The following FAM107B variants were observed in gnomAD, a reference collection of about 807,000 sequenced individuals.
FAM107B encodes protein FAM107B.
In FAM107B, 21 loss-of-function variants were observed where a neutral mutation model predicts 31.5. The observed-to-expected ratio is 0.67, with a 90% CI of 0.47 to 0.96. FAM107B has a LOEUF of 0.96. Among genes scored for constraint, FAM107B ranks in the 40% least tolerant of loss-of-function variants. The pLI is 0.00. For missense variants in FAM107B, 452 were observed against 377.1 expected (o/e 1.20, Z -1.64); for synonymous variants, 157 against 141.5 (o/e 1.11, Z -0.78).
intron 1 of FAM107B, among the ~76,000 whole-genome samples, chr10:14,773,214 TA>T (rs1833345930): frequency 1.3e-5 from 2 of 152,234 alleles, no homozygotes; most frequent in Admixed American, 1.3e-4. Context: ...TCATTTCATA[TA>T]AACCTGCAGG....
intron 1 of FAM107B, among the ~76,000 whole-genome samples, chr10:14,727,382 A>C (rs902088830): frequency 6.6e-6 from 1 of 152,250 alleles, no homozygotes; most frequent in Non-Finnish European, 1.5e-5. Flanking sequence ...TGCCTGAGCC[A>C]CGTCTCTTAG....
At chr10:14,606,058 C>T (rs546337812) in intron 2 of FAM107B, among the ~76,000 whole-genome samples, 1 of 152,210 alleles carries the variant, frequency 6.6e-6, no homozygotes, top group African/African-American at 2.4e-5. Context: ...CAGTTTCCTC[C>T]TCTGCTTGAA....
intron 2 of FAM107B, among the ~76,000 whole-genome samples, chr10:14,543,465 G>A (rs1848416065): frequency 6.6e-6 from 1 of 151,986 alleles, no homozygotes; most frequent in Non-Finnish European, 1.5e-5. Context: ...AGGCACGGTG[G>A]TGTAGGACCC....
At chr10:14,691,015 C>T (rs1451669472) in intron 1 of FAM107B, among the ~76,000 whole-genome samples, 1 of 151,994 alleles carries the variant, frequency 6.6e-6, no homozygotes, top group East Asian at 1.9e-4. Flanking sequence ...ACACGGTCTT[C>T]GTGACAACAT....
intron 2 of FAM107B, among the ~76,000 whole-genome samples, chr10:14,593,537 A>G (rs1232000821): frequency 1.3e-5 from 2 of 152,008 alleles, no homozygotes; most frequent in African/African-American, 4.8e-5. Flanking sequence ...TTAACAAATA[A>G]ACAAAAATTA....
intron 2 of FAM107B, among the ~76,000 whole-genome samples, chr10:14,542,129 G>A (rs1157139875): frequency 6.6e-6 from 1 of 151,938 alleles, no homozygotes; most frequent in Non-Finnish European, 1.5e-5. Flanking sequence ...AATGAGCCAG[G>A]CATCGTGGTG....
intron 2 of FAM107B, among the ~76,000 whole-genome samples, chr10:14,575,732 C>G (rs1851444988): frequency 6.6e-6 from 1 of 152,136 alleles, no homozygotes; most frequent in South Asian, 2.1e-4. Context: ...CACATGTGTG[C>G]ACGGGCTCAC....
chr10:14,650,210 G>GT (rs58066871), intron 2 of FAM107B, among the ~76,000 whole-genome samples: 3,879 of 147,892 alleles, frequency 0.026, 46 homozygotes, highest in Non-Finnish European at 0.031. Flanking sequence ...TTCGCATACA[G>GT]TTTTTTTTTT....
At chr10:14,760,657 A>G (rs1466991147) in intron 1 of FAM107B, among the ~76,000 whole-genome samples, 1 of 151,244 alleles carries the variant, frequency 6.6e-6, no homozygotes, top group Non-Finnish European at 1.5e-5. Context: ...TGATATGCAG[A>G]GAACTCAATA....
chr10:14,600,108 C>G (rs1022390646), intron 2 of FAM107B, among the ~76,000 whole-genome samples: 3 of 152,208 alleles, frequency 2.0e-5, no homozygotes, highest in African/African-American at 7.2e-5. Context: ...TCTTTCCCCA[C>G]AAATTCCTCT....
At chr10:14,760,212 A>T (rs886837011) in intron 1 of FAM107B, among the ~76,000 whole-genome samples, 2 of 152,102 alleles carry the variant, frequency 1.3e-5, no homozygotes, top group Non-Finnish European at 2.9e-5. Context: ...TTTCAAGTGA[A>T]CTCTGCTAGA....
At chr10:14,629,833 T>G (rs954942253) in intron 2 of FAM107B, among the ~76,000 whole-genome samples, 4 of 151,816 alleles carry the variant, frequency 2.6e-5, no homozygotes, top group Non-Finnish European at 4.4e-5. Context: ...TTTTTAAAAT[T>G]TATTGTTATT....
intron 2 of FAM107B, among the ~76,000 whole-genome samples, chr10:14,590,694 T>C (rs937696168): frequency 1.1e-4 from 16 of 152,064 alleles, no homozygotes; most frequent in African/African-American, 1.7e-4. Flanking sequence ...AAGAGATCCA[T>C]TTCTCAGCCA....
At chr10:14,678,220 G>A (rs1854736319) in intron 1 of FAM107B, among the ~76,000 whole-genome samples, 1 of 152,152 alleles carries the variant, frequency 6.6e-6, no homozygotes, top group African/African-American at 2.4e-5. Flanking sequence ...CTGCCCATGG[G>A]TGGTTGTTGT....
At chr10:14,769,086 T>A (rs1391536820) in intron 1 of FAM107B, among the ~76,000 whole-genome samples, 1 of 152,248 alleles carries the variant, frequency 6.6e-6, no homozygotes, top group Non-Finnish European at 1.5e-5. Flanking sequence ...GTGTCCCATG[T>A]GTCACTAAAA....
chr10:14,733,374 T>A (rs561080242), intron 1 of FAM107B, among the ~76,000 whole-genome samples: 85 of 152,192 alleles, frequency 5.6e-4, no homozygotes, highest in Non-Finnish European at 1.1e-3. Flanking sequence ...ATCACTGAGA[T>A]CTTTTGTTAA....
intron 1 of FAM107B, among the ~76,000 whole-genome samples, chr10:14,725,432 T>A (rs1010421788): frequency 1.3e-5 from 2 of 152,220 alleles, no homozygotes; most frequent in Non-Finnish European, 1.5e-5. Flanking sequence ...GACTGCTATA[T>A]CAAATACGCC....
chr10:14,607,247 A>G (rs1852617669), intron 2 of FAM107B, among the ~76,000 whole-genome samples: 1 of 152,228 alleles, frequency 6.6e-6, no homozygotes, highest in Non-Finnish European at 1.5e-5. Context: ...CCAAAAACAA[A>G]TAAGAGCAAA....
chr10:14,660,978 CCT>C (rs1181675687), intron 2 of FAM107B, among the ~76,000 whole-genome samples: 2 of 152,192 alleles, frequency 1.3e-5, no homozygotes, highest in Middle Eastern at 3.4e-3. Flanking sequence ...TGGATTTTCC[CCT>C]GTTCTTGTGA....
Sources: gnomAD v4.1 joint callset for allele counts (sites outside exome capture counted in the v4.1 genomes callset) on GRCh38, gnomAD v4.1.1 for gene constraint, MANE v1.5 for transcripts, NCBI Gene and HGNC (gene_info 2026-07-23, HGNC 2026-07-21) for gene names.